The following CNTN3 variants were observed in gnomAD, a reference collection of about 807,000 sequenced individuals.
CNTN3 encodes contactin-3.
Under a neutral mutation model 119.1 loss-of-function variants are expected in CNTN3, and 60 were observed. That is an observed-to-expected ratio of 0.50 (90% confidence interval 0.41 to 0.62). The LOEUF is 0.62. Ranked by LOEUF, CNTN3 falls within the 20% of genes least tolerant of loss-of-function variation. The pLI is 0.00. For missense variants in CNTN3, 1,101 were observed against 1,242.4 expected, an observed-to-expected ratio of 0.89 and a Z score of 1.71; for synonymous variants, 450 against 438.7, an observed-to-expected ratio of 1.03 and a Z score of -0.32.
At chr3:74,410,680 A>G (rs1456524879) in intron 5 of CNTN3, among the ~76,000 whole-genome samples, 1 of 152,158 alleles carries the variant, frequency 6.6e-6, no homozygotes, top group Non-Finnish European at 1.5e-5. Flanking sequence ...TAGAGTTGAA[A>G]ACACACTATG....
At chr3:74,377,006 A>AAG (rs1355455500) in intron 5 of CNTN3, among the ~76,000 whole-genome samples, 1 of 152,156 alleles carries the variant, frequency 6.6e-6, no homozygotes, top group African/African-American at 2.4e-5. Context: ...GATTTTATTT[A>AAG]ATATGATTAT....
intron 1 of CNTN3, among the ~76,000 whole-genome samples, chr3:74,561,957 T>C (rs1057086794): frequency 1.3e-5 from 2 of 152,184 alleles, no homozygotes; most frequent in Non-Finnish European, 2.9e-5. Flanking sequence ...ATAAGAAAGG[T>C]TGCATTGGAT....
At chr3:74,520,960 T>C (rs1396254565) in intron 2 of CNTN3, 98 bp downstream of exon 2, 4 of 576,254 alleles carry the variant, frequency 6.9e-6, no homozygotes, top group Non-Finnish European at 1.2e-5. Context: ...TTTTCTTTGC[T>C]ACTGGTGGAG....
intron 1 of CNTN3, among the ~76,000 whole-genome samples, chr3:74,551,552 T>C (rs544001209): frequency 6.6e-6 from 1 of 152,144 alleles, no homozygotes; most frequent in South Asian, 2.1e-4. Flanking sequence ...TTTGGACCAA[T>C]GTATCCACCA....
At chr3:74,493,954 A>G (rs1703013164) in intron 3 of CNTN3, among the ~76,000 whole-genome samples, 1 of 152,194 alleles carries the variant, frequency 6.6e-6, no homozygotes, top group African/African-American at 2.4e-5. Context: ...ACATAAAAAC[A>G]TAAAACAGAT....
At chr3:74,582,747 C>A (rs1313297434) in intron 1 of CNTN3, among the ~76,000 whole-genome samples, 10 of 151,434 alleles carry the variant, frequency 6.6e-5, no homozygotes, top group Non-Finnish European at 4.4e-5. Context: ...AATGGTGCAA[C>A]CACTGTGGAT....
intron 4 of CNTN3, among the ~76,000 whole-genome samples, chr3:74,451,500 C>A (rs1327943463): frequency 2.6e-5 from 4 of 152,130 alleles, no homozygotes; most frequent in Non-Finnish European, 4.4e-5. Flanking sequence ...TTTTGCCGTG[C>A]AGAAGCTCTT....
At chr3:74,587,728 T>A (rs894962900) in intron 1 of CNTN3, among the ~76,000 whole-genome samples, 1 of 152,170 alleles carries the variant, frequency 6.6e-6, no homozygotes, top group African/African-American at 2.4e-5. Context: ...TATAGAATCA[T>A]GTCATCTGCA....
intron 4 of CNTN3, among the ~76,000 whole-genome samples, chr3:74,432,386 T>TA (rs772802742): frequency 0.027 from 3,534 of 129,168 alleles, 59 homozygotes; most frequent in Middle Eastern, 0.079. Context: ...GCCAATGAGC[T>TA]AAAAAAAAAA....
intron 1 of CNTN3, among the ~76,000 whole-genome samples, chr3:74,569,696 A>G (rs780392207): frequency 6.6e-6 from 1 of 152,192 alleles, no homozygotes; most frequent in Non-Finnish European, 1.5e-5. Flanking sequence ...TGGTTTAAAC[A>G]GCACACTATT....
intron 12 of CNTN3, 60 bp from the exon 13 acceptor site, chr3:74,334,970 C>T (rs1277855784): frequency 3.0e-6 from 4 of 1,311,864 alleles, no homozygotes; most frequent in Non-Finnish European, 4.3e-6. Context: ...GACATTTGCA[C>T]AGGCAGACTG....
At chr3:74,386,999 G>A (rs562075125) in intron 5 of CNTN3, among the ~76,000 whole-genome samples, 5 of 152,218 alleles carry the variant, frequency 3.3e-5, no homozygotes, top group South Asian at 4.2e-4. Context: ...TGTCTGAGGC[G>A]GCAGACAAAA....
intron 1 of CNTN3, among the ~76,000 whole-genome samples, chr3:74,606,166 A>C (rs1395042213): frequency 6.6e-6 from 1 of 152,092 alleles, no homozygotes; most frequent in African/African-American, 2.4e-5. Flanking sequence ...AGGAACACTA[A>C]AAAAAGGAAA....
chr3:74,317,655 G>C (rs1370604069), intron 13 of CNTN3, among the ~76,000 whole-genome samples: 1 of 152,176 alleles, frequency 6.6e-6, no homozygotes, highest in African/African-American at 2.4e-5. Flanking sequence ...TAAGAATGTT[G>C]AATATTGGCC....
At chr3:74,472,410 T>C (rs536542835) in intron 4 of CNTN3, among the ~76,000 whole-genome samples, 85 of 152,308 alleles carry the variant, frequency 5.6e-4, no homozygotes, top group Non-Finnish European at 9.8e-4. Context: ...TACCTGTCAA[T>C]GGAATCGTCT....
In CNTN3 at chr3:74,296,796, A is replaced by AT. The variant is rs568880411; in HGVS notation, c.2401+1160dup. ...GTAAATGGGAAATAATAGTGCCTAT[A>AT]TTTTTTATTTGAAATATCAAATTAG... is the stretch of plus-strand genomic sequence containing the variant. On this transcript the variant is annotated intron_variant, in intron 18 of 22. Transcript: ENST00000263665. 1.3e-3 allele frequency among the ~76,000 whole-genome samples: 194 copies of AT among 151,806 alleles called. 1 individual carries two copies. Among genetic ancestry groups the AT allele is most frequent in the African/African-American group, 4.5e-3 (186 of 41,406 alleles).
intron 1 of CNTN3, among the ~76,000 whole-genome samples, chr3:74,535,772 G>T (rs887990549): frequency 6.6e-6 from 1 of 151,886 alleles, no homozygotes; most frequent in South Asian, 2.1e-4. Context: ...TATATTTTTT[G>T]ATCTCCCAAT....
chr3:74,316,465 C>T (rs752435123), intron 13 of CNTN3, among the ~76,000 whole-genome samples: 2 of 152,092 alleles, frequency 1.3e-5, no homozygotes, highest in Non-Finnish European at 1.5e-5. Context: ...CTCCATTTAA[C>T]CCAGCAATCC....
chr3:74,556,749 C>T (rs904569474), intron 1 of CNTN3, among the ~76,000 whole-genome samples: 11 of 152,304 alleles, frequency 7.2e-5, no homozygotes, highest in African/African-American at 2.6e-4. Flanking sequence ...ATCTTACTAT[C>T]CCATCTGCAG....
Sources: allele counts gnomAD v4.1 joint callset (sites outside exome capture counted in the v4.1 genomes callset), GRCh38; gene constraint gnomAD v4.1.1; transcripts MANE v1.5; gene names NCBI Gene and HGNC (gene_info 2026-07-23, HGNC 2026-07-21).